The following PELI2 variants were observed in gnomAD, a reference collection of about 807,000 sequenced individuals.
The protein encoded by PELI2 is pellino E3 ubiquitin protein ligase family member 2.
Under a neutral mutation model 42.3 loss-of-function variants are expected in PELI2, and 23 were observed. The observed-to-expected ratio is 0.54, with a 90% CI of 0.39 to 0.77. PELI2 has a LOEUF of 0.77. Among genes scored for constraint, PELI2 ranks in the 30% least tolerant of loss-of-function variants. The pLI is 0.00. For synonymous variants in PELI2, 245 were observed against 212.2 expected (o/e 1.15, Z -1.34); for missense variants, 463 against 553.2 (o/e 0.84, Z 1.64).
chr14:56,202,790 G>C (rs182741399), intron 2 of PELI2, among the ~76,000 whole-genome samples: 3 of 152,252 alleles, frequency 2.0e-5, no homozygotes, highest in African/African-American at 7.2e-5. Flanking sequence ...TCTTTAACCA[G>C]AATCTGATTA....
At chr14:56,233,173 A>G (rs1036820089) in intron 2 of PELI2, among the ~76,000 whole-genome samples, 18 of 152,220 alleles carry the variant, frequency 1.2e-4, no homozygotes, top group Admixed American at 4.6e-4. Context: ...AAATGGCCAT[A>G]CTGCCCAAGG....
At chr14:56,191,398 C>A (rs1228597320) in intron 2 of PELI2, among the ~76,000 whole-genome samples, 3 of 152,186 alleles carry the variant, frequency 2.0e-5, no homozygotes, top group Non-Finnish European at 2.9e-5. Context: ...ACCTAACACT[C>A]GAGTAGAATC....
chr14:56,266,967 T>C (rs956155547), intron 2 of PELI2, among the ~76,000 whole-genome samples: 1 of 152,048 alleles, frequency 6.6e-6, no homozygotes. Flanking sequence ...AACAGAACAT[T>C]GTATGCAGTA....
intron 1 of PELI2, 147 bp from the exon 2 acceptor site, chr14:56,178,188 T>C (rs1885451298): frequency 1.4e-6 from 1 of 693,214 alleles, no homozygotes; most frequent in African/African-American, 1.8e-5. Context: ...CTGAAGTCTG[T>C]ATTGCAACCC....
chr14:56,206,634 A>C (rs1886527889), intron 2 of PELI2, among the ~76,000 whole-genome samples: 1 of 152,216 alleles, frequency 6.6e-6, no homozygotes, highest in African/African-American at 2.4e-5. Context: ...GTTTTAAAAT[A>C]ACATAAAAAT....
chr14:56,283,440 C>G (rs11623641), intron 3 of PELI2, among the ~76,000 whole-genome samples: 58,071 of 152,044 alleles, frequency 0.38, 12,334 homozygotes, highest in South Asian at 0.52. Flanking sequence ...CACCATTGTT[C>G]TAGCACCATC....
intron 2 of PELI2, among the ~76,000 whole-genome samples, chr14:56,218,065 C>T (rs536324004): frequency 2.2e-4 from 33 of 152,188 alleles, no homozygotes; most frequent in Non-Finnish European, 4.6e-4. Flanking sequence ...AATGAGGACA[C>T]CTGCTCAACA....
intron 2 of PELI2, among the ~76,000 whole-genome samples, chr14:56,227,726 A>C (rs766198540): frequency 2.6e-5 from 4 of 152,234 alleles, no homozygotes; most frequent in African/African-American, 4.8e-5. Flanking sequence ...TCTGCCCAGA[A>C]AGGAACCAGG....
At chr14:56,141,447 G>T (rs1883903748) in intron 1 of PELI2, among the ~76,000 whole-genome samples, 1 of 152,136 alleles carries the variant, frequency 6.6e-6, no homozygotes, top group South Asian at 2.1e-4. Context: ...TTTTTTCTGA[G>T]GTGGAATTTG....
At chr14:56,287,867 A>G (rs536435609) in intron 3 of PELI2, among the ~76,000 whole-genome samples, 1 of 152,358 alleles carries the variant, frequency 6.6e-6, no homozygotes, top group East Asian at 1.9e-4. Flanking sequence ...CTTTGAGACC[A>G]GAATAAAAAT....
intron 1 of PELI2, among the ~76,000 whole-genome samples, chr14:56,171,677 T>A (rs1885174256): frequency 6.6e-6 from 1 of 151,896 alleles, no homozygotes; most frequent in Non-Finnish European, 1.5e-5. Context: ...AGGGGAAGAT[T>A]TGGTGATAGT....
At chr14:56,211,307 T>C (rs1695436989) in intron 2 of PELI2, among the ~76,000 whole-genome samples, 1 of 152,170 alleles carries the variant, frequency 6.6e-6, no homozygotes, top group African/African-American at 2.4e-5. Flanking sequence ...CACAAGATGA[T>C]TGTTTTCTTC....
intron 1 of PELI2, among the ~76,000 whole-genome samples, chr14:56,136,058 G>A (rs1472491127): frequency 6.6e-6 from 1 of 152,110 alleles, no homozygotes; most frequent in East Asian, 1.9e-4. Flanking sequence ...AGAAAACTGG[G>A]ACCCAACAGA....
At chr14:56,206,758 A>G (rs1410478729) in intron 2 of PELI2, among the ~76,000 whole-genome samples, 1 of 151,600 alleles carries the variant, frequency 6.6e-6, no homozygotes, top group East Asian at 1.9e-4. Flanking sequence ...TCTAATACCA[A>G]TTTTCCTCTT....
At chr14:56,151,034 C>G (rs771597851) in intron 1 of PELI2, among the ~76,000 whole-genome samples, 2 of 152,190 alleles carry the variant, frequency 1.3e-5, no homozygotes, top group Non-Finnish European at 2.9e-5. Context: ...ATTCAGGCAC[C>G]CTTGTCATCT....
At chr14:56,250,220 A>G (rs943472322) in intron 2 of PELI2, among the ~76,000 whole-genome samples, 1 of 152,264 alleles carries the variant, frequency 6.6e-6, no homozygotes, top group African/African-American at 2.4e-5. Flanking sequence ...CTTGGGCCAC[A>G]CTGGAAACAT....
At chr14:56,276,317 C>T (rs1410371387) in intron 2 of PELI2, among the ~76,000 whole-genome samples, 2 of 152,174 alleles carry the variant, frequency 1.3e-5, no homozygotes, top group Non-Finnish European at 2.9e-5. Context: ...GTCTACACTT[C>T]CCCATTTATT....
At chr14:56,161,723 C>CAT (rs1024052732) in intron 1 of PELI2, among the ~76,000 whole-genome samples, 7 of 152,066 alleles carry the variant, frequency 4.6e-5, no homozygotes, top group African/African-American at 1.7e-4. Context: ...TGAATGAATA[C>CAT]ATATATATAT....
chr14:56,203,899 A>G (rs74051815), intron 2 of PELI2, among the ~76,000 whole-genome samples: 121 of 152,350 alleles, frequency 7.9e-4, no homozygotes, highest in African/African-American at 2.7e-3. Context: ...TTAGGATTTA[A>G]CTGTTAAAGG....
Sources: allele counts gnomAD v4.1 joint callset (sites outside exome capture counted in the v4.1 genomes callset), GRCh38; gene constraint gnomAD v4.1.1; transcripts MANE v1.5; gene names NCBI Gene and HGNC (gene_info 2026-07-23, HGNC 2026-07-21).